The following INPP5A variants were observed in gnomAD, a reference collection of about 807,000 sequenced individuals.
The protein encoded by INPP5A is inositol polyphosphate-5-phosphatase A.
In INPP5A, 14 loss-of-function variants were observed where a neutral mutation model predicts 65.2. That is an observed-to-expected ratio of 0.21 (90% CI 0.14 to 0.34). INPP5A has a LOEUF of 0.34. INPP5A is among the 10% of genes least tolerant of loss of function. The probability of loss-of-function intolerance (pLI) is 1.00; values close to 1 mark genes in which losing one functional copy is unlikely to be tolerated. For synonymous variants in INPP5A, 207 were observed against 208.3 expected (o/e 0.99, Z 0.05); for missense variants, 431 against 545.6 (o/e 0.79, Z 2.09).
rs1238465517 is a variant in INPP5A, at chr10:132,753,618, G to A, written c.903+3773G>A. Among the ~76,000 whole-genome samples, 1 of 152,196 alleles carries A rather than the reference G, an allele frequency of 6.6e-6. No homozygotes were observed. Among genetic ancestry groups the A allele is most frequent in the Non-Finnish European group, 1.5e-5 (1 of 68,036 alleles). On this transcript the variant is annotated intron_variant, in intron 11 of 15. Transcript: ENST00000368594. The surrounding 1 kb of genome is among the most constrained non-coding windows in gnomAD (Gnocchi z 5.3). ...GGGCTGCAGGATGGAGTGCCCTGGT[G>A]AGGATTTGGAGAGATTAAATTTTCC...
At chr10:132,744,698 A>G (rs1231942943) in intron 9 of INPP5A, among the ~76,000 whole-genome samples, 2 of 152,132 alleles carry the variant, frequency 1.3e-5, no homozygotes, top group Non-Finnish European at 2.9e-5. Flanking sequence ...TTTAACTGTG[A>G]ACGCCCTTTT....
rs1409196082 is a variant in INPP5A, at chr10:132,708,435, T to C, written c.527+70T>C. On this transcript the variant is annotated intron_variant, in intron 7 of 15. Transcript: ENST00000368594. ...CCTTTTATATCTTGCACCAGCGGCATGTTCCACACACCTCATTGGAGGCTC... is the reference window on the plus strand; with the variant it reads ...CCTTTTATATCTTGCACCAGCGGCACGTTCCACACACCTCATTGGAGGCTC... The C allele has an allele frequency of 1.7e-5, 24 of 1,434,366 alleles. No homozygotes were observed. In the East Asian group the frequency reaches 5.2e-4, roughly 31 times the overall value. 88.9% of individuals were successfully genotyped at this position (1,434,366 alleles called of 1,614,324 possible).
chr10:132,776,868 C>A (rs1331654847), intron 12 of INPP5A, among the ~76,000 whole-genome samples: 1 of 152,066 alleles, frequency 6.6e-6, no homozygotes, highest in East Asian at 1.9e-4. Context: ...GGGGAGTGAT[C>A]AGTCCGTGTG....
At chr10:132,635,795 G>C (rs1056508243) in intron 2 of INPP5A, among the ~76,000 whole-genome samples, 1 of 151,210 alleles carries the variant, frequency 6.6e-6, no homozygotes, top group Admixed American at 6.6e-5. Context: ...CAAGATCCCT[G>C]TCTCTCGAAG....
At chr10:132,614,304 A>G (rs1219321207) in intron 2 of INPP5A, among the ~76,000 whole-genome samples, 2 of 152,164 alleles carry the variant, frequency 1.3e-5, no homozygotes, top group Admixed American at 6.5e-5. Flanking sequence ...CGTCTTTACT[A>G]CAAATACAAA....
chr10:132,620,345 A>G (rs2072092972), intron 2 of INPP5A, among the ~76,000 whole-genome samples: 1 of 152,178 alleles, frequency 6.6e-6, no homozygotes, highest in Non-Finnish European at 1.5e-5. Context: ...CCAGGCTGCA[A>G]AGTTTTCAAA....
intron 4 of INPP5A, among the ~76,000 whole-genome samples, chr10:132,655,473 G>A (rs1476312108): frequency 1.3e-5 from 2 of 152,254 alleles, no homozygotes; most frequent in African/African-American, 2.4e-5. Context: ...CAGAAATCCC[G>A]TGTCTTGTCT....
chr10:132,605,957 G>T (rs2071843385), intron 1 of INPP5A, among the ~76,000 whole-genome samples: 4 of 152,222 alleles, frequency 2.6e-5, no homozygotes, highest in Non-Finnish European at 5.9e-5. Flanking sequence ...AACCTTAGTG[G>T]ATCCACAGTC....
intron 7 of INPP5A, among the ~76,000 whole-genome samples, chr10:132,708,755 A>G (rs1845583337): frequency 6.6e-6 from 1 of 152,234 alleles, no homozygotes; most frequent in Non-Finnish European, 1.5e-5. Context: ...CCATCAGCAG[A>G]CTGAGCACAG....
At chr10:132,699,153 C>G (rs1023987818) in intron 6 of INPP5A, among the ~76,000 whole-genome samples, 1 of 152,230 alleles carries the variant, frequency 6.6e-6, no homozygotes, top group African/African-American at 2.4e-5. Flanking sequence ...TGACAGCCTC[C>G]CTGAAGGGGC....
intron 7 of INPP5A, among the ~76,000 whole-genome samples, chr10:132,708,934 A>G (rs189008877): frequency 9.7e-4 from 148 of 152,248 alleles, no homozygotes; most frequent in African/African-American, 3.3e-3. Context: ...CCCTCCAGCC[A>G]TCACATCTCA....
At chr10:132,695,390 A>AC (rs572542288) in intron 5 of INPP5A, among the ~76,000 whole-genome samples, 36 of 152,340 alleles carry the variant, frequency 2.4e-4, no homozygotes, top group African/African-American at 8.4e-4. Context: ...TACAATGAAT[A>AC]CCACACTTAA....
chr10:132,652,583 C>G (rs1012380386), intron 4 of INPP5A, among the ~76,000 whole-genome samples: 21 of 152,260 alleles, frequency 1.4e-4, no homozygotes, highest in Non-Finnish European at 8.8e-5. Context: ...GGGCTCTGCT[C>G]CCCGTCTCTG....
Position 132,633,404 on chromosome 10 carries a change from T to G in INPP5A, c.118-12464T>G, listed in dbSNP as rs11146443. On this transcript the variant is annotated intron_variant, in intron 2 of 15. Transcript: ENST00000368594. Reference sequence around the variant, plus strand: ...CCTCTTCAAATGAGCTATTTTGAGTTTCTCGCCTTGTGCAGTGACTAAATC... The same window carrying G: ...CCTCTTCAAATGAGCTATTTTGAGTGTCTCGCCTTGTGCAGTGACTAAATC... Among the ~76,000 whole-genome samples the G allele has an allele frequency of 6.9e-3, 1,058 of 152,308 alleles. 33 individuals carry two copies. In the East Asian group the frequency reaches 0.081, roughly 12 times the overall value.
At chr10:132,682,225 C>T (rs969903882) in intron 4 of INPP5A, among the ~76,000 whole-genome samples, 7 of 139,662 alleles carry the variant, frequency 5.0e-5, no homozygotes, top group South Asian at 2.3e-4. Context: ...AGGTGGACAG[C>T]GTCCTGGAGA....
In INPP5A at chr10:132,598,451, G is replaced by C. The variant is rs73399360; in HGVS notation, c.76-9464G>C. On this transcript the variant is annotated intron_variant, in intron 1 of 15. Transcript: ENST00000368594. ...CCAACATTTTACTTTCTGTCTCCAT[G>C]AATCTGATGACTCCAGATATCTCAC... 6.6e-3 allele frequency among the ~76,000 whole-genome samples: 1,004 copies of C among 152,284 alleles called. 8 individuals are homozygous for C. The highest frequency in any genetic ancestry group is 0.023 in the African/African-American group (950 of 41,550).
intron 8 of INPP5A, among the ~76,000 whole-genome samples, chr10:132,715,988 G>A (rs1258595931): frequency 6.6e-6 from 1 of 152,366 alleles, no homozygotes; most frequent in Middle Eastern, 3.4e-3. Context: ...TGTCGCCTTA[G>A]CCTCTCCAGG....
intron 10 of INPP5A, 69 bp from the exon 11 acceptor site, chr10:132,749,702 G>A (rs759102705): frequency 9.4e-6 from 15 of 1,597,640 alleles, no homozygotes; most frequent in East Asian, 2.2e-5. Context: ...TGCCCGGTTC[G>A]GTGGGGGCTA....
At chr10:132,672,767 C>T (rs193015015) in intron 4 of INPP5A, among the ~76,000 whole-genome samples, 46 of 152,364 alleles carry the variant, frequency 3.0e-4, no homozygotes, top group African/African-American at 1.1e-3. Flanking sequence ...TCTGCATTCC[C>T]TCTAGGTTCC....
Sources: allele counts gnomAD v4.1 joint callset (sites outside exome capture counted in the v4.1 genomes callset), GRCh38; gene constraint gnomAD v4.1.1; non-coding constraint Gnocchi (gnomAD v3.1); transcripts MANE v1.5; gene names NCBI Gene and HGNC (gene_info 2026-07-23, HGNC 2026-07-21).